PTPRD: variants seen among roughly 807,000 people sequenced by gnomAD.
PTPRD encodes protein tyrosine phosphatase receptor type D.
Under a neutral mutation model 214.5 loss-of-function variants are expected in PTPRD, and 34 were observed. The ratio of observed to expected loss-of-function variants is 0.16; its 90% confidence interval spans 0.12 to 0.21. PTPRD has a LOEUF of 0.21. Ranked by LOEUF, PTPRD falls within the 10% of genes least tolerant of loss-of-function variation. PTPRD has a pLI of 1.00. For synonymous variants in PTPRD, 1,128 were observed against 845.7 expected, an observed-to-expected ratio of 1.33 and a Z score of -5.79; for missense variants, 2,545 against 2,398.7, an observed-to-expected ratio of 1.06 and a Z score of -1.27.
intron 39 of PTPRD, among the ~76,000 whole-genome samples, chr9:8,369,400 A>G (rs971181481): frequency 4.6e-5 from 7 of 151,910 alleles, no homozygotes; most frequent in African/African-American, 1.7e-4. Context: ...CCATATGCAA[A>G]GTCAAAAAGT....
chr9:9,545,151 C>T (rs2078483662), intron 8 of PTPRD, among the ~76,000 whole-genome samples: 1 of 151,668 alleles, frequency 6.6e-6, no homozygotes, highest in Non-Finnish European at 1.5e-5. Flanking sequence ...ATCATTAACA[C>T]CCAGATTCCT....
At chr9:10,229,811 C>T (rs1306213745) in intron 3 of PTPRD, among the ~76,000 whole-genome samples, 2 of 151,672 alleles carry the variant, frequency 1.3e-5, no homozygotes. Context: ...ATGTAACAAA[C>T]CTGCACGTTA....
chr9:10,229,362 A>G (rs2099600346), intron 3 of PTPRD, among the ~76,000 whole-genome samples: 1 of 152,054 alleles, frequency 6.6e-6, no homozygotes, highest in Non-Finnish European at 1.5e-5. Context: ...GTATATACCC[A>G]AAGGACTATA....
At chr9:8,805,982 G>T (rs1206327847) in intron 11 of PTPRD, among the ~76,000 whole-genome samples, 1 of 133,458 alleles carries the variant, frequency 7.5e-6, no homozygotes, top group African/African-American at 2.9e-5. Flanking sequence ...GCTACAGAAC[G>T]AGACTCCGTC....
intron 43 of PTPRD, among the ~76,000 whole-genome samples, chr9:8,336,812 A>T (rs1300597469): frequency 6.6e-6 from 1 of 152,210 alleles, no homozygotes; most frequent in Non-Finnish European, 1.5e-5. Flanking sequence ...GACACTTCTC[A>T]GAAGAAGACA....
chr9:9,649,890 A>G (rs1221430871), intron 7 of PTPRD, among the ~76,000 whole-genome samples: 2 of 152,182 alleles, frequency 1.3e-5, no homozygotes, highest in Non-Finnish European at 2.9e-5. Flanking sequence ...AGAAAGTGAA[A>G]TAAATATATT....
chr9:10,109,665 A>C (rs1262085874), intron 3 of PTPRD, among the ~76,000 whole-genome samples: 2 of 152,164 alleles, frequency 1.3e-5, no homozygotes, highest in African/African-American at 4.8e-5. Context: ...GAATGTGTTC[A>C]CTGCTGTTAT....
At chr9:8,961,604 A>G (rs2099159148) in intron 11 of PTPRD, among the ~76,000 whole-genome samples, 1 of 152,130 alleles carries the variant, frequency 6.6e-6, no homozygotes, top group Non-Finnish European at 1.5e-5. Context: ...TGAGGACATT[A>G]ACTGAGCAAC....
chr9:9,196,318 T>C (rs1359012583), intron 9 of PTPRD, among the ~76,000 whole-genome samples: 1 of 152,198 alleles, frequency 6.6e-6, no homozygotes, highest in African/African-American at 2.4e-5. Context: ...TCCATCTAAT[T>C]GATCATTTTA....
At chr9:10,179,821 C>A (rs1365895752) in intron 3 of PTPRD, among the ~76,000 whole-genome samples, 1 of 152,054 alleles carries the variant, frequency 6.6e-6, no homozygotes, top group Non-Finnish European at 1.5e-5. Context: ...CAGCAGTAAG[C>A]CTACAGTTGA....
At chr9:9,641,083 T>TTAAATTACATTATGGA (rs776298199) in intron 7 of PTPRD, among the ~76,000 whole-genome samples, 1 of 151,986 alleles carries the variant, frequency 6.6e-6, no homozygotes. Flanking sequence ...TAATGAAAGC[T>TTAAATTACATTATGGA]ATAGCTTTAA....
chr9:8,832,314 G>C (rs2097311258), intron 11 of PTPRD, among the ~76,000 whole-genome samples: 1 of 151,426 alleles, frequency 6.6e-6, no homozygotes, highest in Non-Finnish European at 1.5e-5. Context: ...GAAGAAAACA[G>C]TGAAGACTGA....
intron 22 of PTPRD, among the ~76,000 whole-genome samples, chr9:8,506,533 C>G (rs906638219): frequency 6.6e-6 from 1 of 152,200 alleles, no homozygotes; most frequent in Non-Finnish European, 1.5e-5. Context: ...AATCCCAGCT[C>G]TGCCATCCAC....
chr9:9,150,329 C>T (rs943872347), intron 10 of PTPRD, among the ~76,000 whole-genome samples: 27 of 151,292 alleles, frequency 1.8e-4, no homozygotes, highest in Admixed American at 2.6e-4. Flanking sequence ...TTTGTGCTAG[C>T]GTAGGGTTGG....
chr9:9,943,843 G>C (rs1407250747), intron 4 of PTPRD, among the ~76,000 whole-genome samples: 4 of 152,178 alleles, frequency 2.6e-5, no homozygotes, highest in South Asian at 4.1e-4. Flanking sequence ...TTTCCAAGCT[G>C]CTGGGAGTGC....
intron 11 of PTPRD, among the ~76,000 whole-genome samples, chr9:8,947,526 T>C (rs1333337103): frequency 1.3e-5 from 2 of 150,940 alleles, no homozygotes; most frequent in Non-Finnish European, 3.0e-5. Context: ...GAGTGTTAGG[T>C]TTAGCCTTAG....
chr9:9,329,375 T>C (rs1336295087), intron 9 of PTPRD, among the ~76,000 whole-genome samples: 2 of 152,204 alleles, frequency 1.3e-5, no homozygotes, highest in African/African-American at 4.8e-5. Flanking sequence ...ATGAGTTTTC[T>C]TCAACTTTAT....
At chr9:9,503,168 A>AT (rs2096473051) in intron 8 of PTPRD, among the ~76,000 whole-genome samples, 1 of 151,592 alleles carries the variant, frequency 6.6e-6, no homozygotes. Context: ...CAAAATTGTA[A>AT]TTTTCTCTCA....
chr9:10,394,995 T>C lies in PTPRD; in HGVS notation c.-599-53978A>G, dbSNP rs560230325. On this transcript the variant is annotated intron_variant, in intron 2 of 45. Coordinates refer to ENST00000381196, the MANE Select transcript of PTPRD (RefSeq NM_002839.4). Reference sequence around the variant, plus strand: ...TTTTTTAGTCAGCTGTCAGTAACACTGGGTTCTGCTGCCTGCACTTTATCA... The same window carrying C: ...TTTTTTAGTCAGCTGTCAGTAACACCGGGTTCTGCTGCCTGCACTTTATCA... Among the ~76,000 whole-genome samples, 130 of 147,314 alleles carry C rather than the reference T, an allele frequency of 8.8e-4. 1 individual carries two copies. The highest frequency in any genetic ancestry group is 1.6e-3 in the Non-Finnish European group (108 of 67,514).
Sources: allele counts gnomAD v4.1 joint callset (sites outside exome capture counted in the v4.1 genomes callset), GRCh38; gene constraint gnomAD v4.1.1; transcripts MANE v1.5; gene names NCBI Gene and HGNC (gene_info 2026-07-23, HGNC 2026-07-21).